HHAT: variants seen among roughly 807,000 people sequenced by gnomAD.
HHAT encodes the protein hedgehog acyltransferase.
Under a neutral mutation model 70.8 loss-of-function variants are expected in HHAT, and 47 were observed. That is an observed-to-expected ratio of 0.66 (90% CI 0.53 to 0.85). HHAT has a LOEUF of 0.85. Ranked by LOEUF, HHAT falls within the 40% of genes least tolerant of loss-of-function variation. HHAT has a pLI of 0.00. For synonymous variants in HHAT, 228 were observed against 247.6 expected, an observed-to-expected ratio of 0.92 and a Z score of 0.74; for missense variants, 609 against 604.8, an observed-to-expected ratio of 1.01 and a Z score of -0.07.
rs1159638932 is a variant in HHAT, at chr1:210,349,123, A to C, written c.91+57A>C. On this transcript the variant is annotated intron_variant, in intron 2 of 11. Transcript: ENST00000261458. ...AAACAAGGAAACTCCTGTCAAAAAA[A>C]GGAGCAGAGGTGGAAGATTCAAGAA... The C allele has an allele frequency of 2.6e-6, 4 of 1,560,012 alleles. No individual in the cohort carries two copies. In the African/African-American group the frequency reaches 4.1e-5, roughly 16 times the overall value.
At chr1:210,392,113 C>A (rs1250370288) in intron 4 of HHAT, among the ~76,000 whole-genome samples, 3 of 152,200 alleles carry the variant, frequency 2.0e-5, no homozygotes, top group African/African-American at 7.2e-5. Flanking sequence ...AAGTGATCCT[C>A]CCATTTCAGC....
At chr1:210,333,990 C>T (rs2085237000) in intron 1 of HHAT, among the ~76,000 whole-genome samples, 2 of 151,968 alleles carry the variant, frequency 1.3e-5, no homozygotes, top group South Asian at 4.2e-4. Context: ...TCGTTGTCCA[C>T]ATCTATAATC....
At position 210,387,486 on chromosome 1, in the gene HHAT, T is replaced by C. The variant is rs1326549428; in HGVS notation, c.178T>C (p.Trp60Arg). The C allele has an allele frequency of 6.2e-7, 1 of 1,614,084 alleles. No individual in the cohort carries two copies. The highest frequency in any genetic ancestry group is 1.7e-5 in the Admixed American group (1 of 60,022). Residue 60 changes from tryptophan (W) to arginine (R), a missense_variant, in exon 4 of 12, where the codon TGG becomes CGG. Trp to Arg is a moderately radical substitution (Grantham distance 101). Coordinates refer to ENST00000261458, the MANE Select transcript of HHAT (RefSeq NM_018194.6). ...GLKKDATDFEWSFWMEWGKQW... is the reference protein window; with the variant it reads ...GLKKDATDFERSFWMEWGKQW... ...TATTTAGGATGCGACCGACTTTGAG[T>C]GGAGCTTCTGGATGGAATGGGGGAA...
chr1:210,388,706 T>C (rs1413137495), intron 4 of HHAT, among the ~76,000 whole-genome samples: 1 of 152,164 alleles, frequency 6.6e-6, no homozygotes, highest in African/African-American at 2.4e-5. Flanking sequence ...TATATCTACC[T>C]CAGCCCTCAT....
intron 9 of HHAT, among the ~76,000 whole-genome samples, chr1:210,514,143 A>C (rs1167489040): frequency 1.3e-5 from 2 of 152,104 alleles, no homozygotes; most frequent in Non-Finnish European, 2.9e-5. Flanking sequence ...CCCACCAAAA[A>C]CCACATTTCC....
intron 11 of HHAT, among the ~76,000 whole-genome samples, chr1:210,661,575 C>G (rs1022577033): frequency 6.6e-6 from 1 of 152,208 alleles, no homozygotes; most frequent in African/African-American, 2.4e-5. Context: ...GATTACAAAT[C>G]ATGCTGCTAT....
At chr1:210,449,199 T>G (rs1361908669) in intron 7 of HHAT, among the ~76,000 whole-genome samples, 2 of 152,134 alleles carry the variant, frequency 1.3e-5, no homozygotes, top group Admixed American at 1.3e-4. Context: ...GACTCTGGCC[T>G]CTGGCCATGC....
At chr1:210,538,939 A>G (rs10779536) in intron 9 of HHAT, among the ~76,000 whole-genome samples, 39,225 of 152,006 alleles carry the variant, frequency 0.26, 5,322 homozygotes, top group Middle Eastern at 0.34. Flanking sequence ...TAGCCGAGTG[A>G]GGTGGTGGAC....
Position 210,455,603 on chromosome 1 carries a change from G to C in HHAT, c.857-8902G>C, listed in dbSNP as rs545493642. On this transcript the variant is annotated intron_variant, in intron 7 of 11. Transcript: ENST00000261458. ...CTGACCCGATTCAAGTTCCGACCCT[G>C]CCACTTGTTACTGTGTGATCTTAGG... Among the ~76,000 whole-genome samples the C allele has an allele frequency of 2.0e-5, 3 of 152,168 alleles. No homozygotes were observed. In the East Asian group the frequency reaches 5.8e-4, roughly 29 times the overall value.
intron 7 of HHAT, among the ~76,000 whole-genome samples, chr1:210,423,527 G>A (rs778943560): frequency 6.6e-6 from 1 of 152,176 alleles, no homozygotes; most frequent in African/African-American, 2.4e-5. Flanking sequence ...TCACTCTGTT[G>A]TTTCCTTTTC....
At chr1:210,616,487 A>G (rs776441164) in intron 10 of HHAT, among the ~76,000 whole-genome samples, 7 of 152,124 alleles carry the variant, frequency 4.6e-5, no homozygotes, top group Non-Finnish European at 7.4e-5. Flanking sequence ...TTCCAGTGTC[A>G]CTGTAAGCCA....
chr1:210,593,192 AT>A (rs1662153125), intron 10 of HHAT, among the ~76,000 whole-genome samples: 1 of 151,860 alleles, frequency 6.6e-6, no homozygotes, highest in South Asian at 2.1e-4. Flanking sequence ...AATTTTATGT[AT>A]TTCTTCTCTG....
chr1:210,600,938 T>C (rs934055904), intron 10 of HHAT, among the ~76,000 whole-genome samples: 1 of 152,152 alleles, frequency 6.6e-6, no homozygotes, highest in Non-Finnish European at 1.5e-5. Context: ...CAGCCTGGCC[T>C]CCGCCTCTTT....
At chr1:210,522,774 C>G (rs1442773842) in intron 9 of HHAT, among the ~76,000 whole-genome samples, 1 of 152,030 alleles carries the variant, frequency 6.6e-6, no homozygotes, top group Admixed American at 6.5e-5. Flanking sequence ...CCCCCACCCC[C>G]CAATCCCACT....
chr1:210,608,299 C>T (rs116129688), intron 10 of HHAT, among the ~76,000 whole-genome samples: 120 of 152,294 alleles, frequency 7.9e-4, no homozygotes, highest in African/African-American at 2.8e-3. Context: ...ATCATTTTTA[C>T]ATTTTAAAAT....
At chr1:210,558,092 C>T (rs557594846) in intron 9 of HHAT, among the ~76,000 whole-genome samples, 2 of 152,140 alleles carry the variant, frequency 1.3e-5, no homozygotes, top group Non-Finnish European at 1.5e-5. Context: ...CTTGTATTTG[C>T]GGATAATGCT....
chr1:210,389,589 C>CT (rs1307026879), intron 4 of HHAT, among the ~76,000 whole-genome samples: 1 of 152,230 alleles, frequency 6.6e-6, no homozygotes, highest in Admixed American at 6.5e-5. Context: ...GCACTCCCCA[C>CT]TTTGCTCATT....
At chr1:210,384,280 G>A (rs575095194) in intron 3 of HHAT, among the ~76,000 whole-genome samples, 2 of 152,290 alleles carry the variant, frequency 1.3e-5, no homozygotes, top group South Asian at 2.1e-4. Flanking sequence ...AGCTTTGAAC[G>A]GTGAACGGGA....
intron 8 of HHAT, among the ~76,000 whole-genome samples, chr1:210,494,378 C>T (rs989431349): frequency 1.8e-4 from 28 of 152,002 alleles, no homozygotes; most frequent in Non-Finnish European, 3.8e-4. Context: ...GTAGAGCTAA[C>T]AGGCTCTGCT....
Sources: allele counts gnomAD v4.1 joint callset (sites outside exome capture counted in the v4.1 genomes callset), GRCh38; gene constraint gnomAD v4.1.1; transcripts MANE v1.5; gene names NCBI Gene and HGNC (gene_info 2026-07-23, HGNC 2026-07-21).